The following UMAD1 variants were observed in gnomAD, a reference collection of about 807,000 sequenced individuals.
UMAD1 encodes UBAP1-MVB12-associated (UMA)-domain containing protein 1.
A neutral mutation model predicts 6.1 loss-of-function variants in UMAD1; 8 were observed. The ratio of observed to expected loss-of-function variants is 1.30; its 90% confidence interval spans 0.76 to 2.35. The LOEUF (loss-of-function observed/expected upper bound fraction) is 2.35. Ranked by LOEUF, UMAD1 falls within the 30% of genes most tolerant of loss-of-function variation. The probability of loss-of-function intolerance (pLI) is 0.00; values close to 1 mark genes in which losing one functional copy is unlikely to be tolerated. For missense variants in UMAD1, 130 were observed against 78.4 expected, an observed-to-expected ratio of 1.66 and a Z score of -2.49; for synonymous variants, 56 against 31.4, an observed-to-expected ratio of 1.78 and a Z score of -2.61.
intron 3 of UMAD1, among the ~76,000 whole-genome samples, chr7:7,867,149 A>T (rs1390939508): frequency 1.3e-5 from 2 of 152,182 alleles, no homozygotes; most frequent in Non-Finnish European, 2.9e-5. Flanking sequence ...TAAGGTAAGG[A>T]AGGGACTAAG....
chr7:7,769,334 T>C (rs1318954076), intron 2 of UMAD1, among the ~76,000 whole-genome samples: 1 of 152,078 alleles, frequency 6.6e-6, no homozygotes, highest in Non-Finnish European at 1.5e-5. Flanking sequence ...TTTTTTAAGT[T>C]TTGGAGAACT....
At chr7:7,730,736 C>G (rs1245478174) in intron 2 of UMAD1, among the ~76,000 whole-genome samples, 1 of 152,104 alleles carries the variant, frequency 6.6e-6, no homozygotes, top group Non-Finnish European at 1.5e-5. Context: ...AAAAAAAACC[C>G]TCAAAATCTG....
In UMAD1 at chr7:7,708,504, C is replaced by G. The variant is rs574317836; in HGVS notation, c.82+35051C>G. The stretch of plus-strand genomic sequence containing the variant: ...GGATATAAGGGGATCAGGTCTAACA[C>G]TCTGTTAAGAAATTAATAGGATCTT... On this transcript the variant is annotated intron_variant, in intron 2 of 3. Transcript: ENST00000682710. 4.4e-4 allele frequency among the ~76,000 whole-genome samples: 67 copies of G among 152,290 alleles called. No homozygotes were observed. The South Asian group carries it at 4.8e-3, about 11-fold the overall frequency.
chr7:7,686,724 C>A (rs1780049740), intron 2 of UMAD1, among the ~76,000 whole-genome samples: 1 of 152,166 alleles, frequency 6.6e-6, no homozygotes, highest in African/African-American at 2.4e-5. Context: ...CACTACTAGT[C>A]CCTCAATATC....
At chr7:7,725,768 C>G (rs1332161408) in intron 2 of UMAD1, among the ~76,000 whole-genome samples, 4 of 152,218 alleles carry the variant, frequency 2.6e-5, no homozygotes, top group African/African-American at 7.2e-5. Context: ...GGTCTCCACT[C>G]CTGCCACCCT....
intron 3 of UMAD1, among the ~76,000 whole-genome samples, chr7:7,834,016 CTTTTTTT>C (rs4034895): frequency 4.4e-4 from 49 of 110,484 alleles, no homozygotes; most frequent in Non-Finnish European, 6.5e-4. Flanking sequence ...TTTTTCTTTT[CTTTTTTT>C]TTTTTTTTTT....
chr7:7,663,660 A>G (rs988668737), intron 1 of UMAD1, among the ~76,000 whole-genome samples: 12 of 152,226 alleles, frequency 7.9e-5, no homozygotes, highest in African/African-American at 2.9e-4. Flanking sequence ...AACTAGTGAG[A>G]TACTGCAACT....
intron 3 of UMAD1, among the ~76,000 whole-genome samples, chr7:7,807,534 T>C (rs529504304): frequency 7.9e-5 from 12 of 152,224 alleles, no homozygotes; most frequent in African/African-American, 2.6e-4. Context: ...ATAGCCCAAG[T>C]ATATTTCAAA....
chr7:7,669,705 T>C (rs1779557786), intron 1 of UMAD1, among the ~76,000 whole-genome samples: 1 of 152,148 alleles, frequency 6.6e-6, no homozygotes, highest in Non-Finnish European at 1.5e-5. Flanking sequence ...TGGACTGTAG[T>C]AGGGGAAGGA....
chr7:7,698,973 GC>G (rs1445664110), intron 2 of UMAD1, among the ~76,000 whole-genome samples: 31 of 148,918 alleles, frequency 2.1e-4, no homozygotes, highest in African/African-American at 7.2e-4. Context: ...TCCCACTTCA[GC>G]CCCCCAAGTA....
chr7:7,716,921 C>G (rs534428464), intron 2 of UMAD1, among the ~76,000 whole-genome samples: 1 of 152,146 alleles, frequency 6.6e-6, no homozygotes, highest in African/African-American at 2.4e-5. Context: ...ATCAATCTCT[C>G]GTGCCCTATG....
chr7:7,716,028 AACT>A (rs1447037503), intron 2 of UMAD1, among the ~76,000 whole-genome samples: 1 of 152,234 alleles, frequency 6.6e-6, no homozygotes, highest in African/African-American at 2.4e-5. Flanking sequence ...TTAAATTAGA[AACT>A]AATATATGTC....
chr7:7,741,351 C>T (rs1781460065), intron 2 of UMAD1, among the ~76,000 whole-genome samples: 1 of 151,688 alleles, frequency 6.6e-6, no homozygotes, highest in Admixed American at 6.6e-5. Context: ...GCGGGAGGAT[C>T]ACGAGGTCAG....
chr7:7,843,574 TA>T (rs1241126137), intron 3 of UMAD1, among the ~76,000 whole-genome samples: 1 of 152,138 alleles, frequency 6.6e-6, no homozygotes, highest in African/African-American at 2.4e-5. Flanking sequence ...ATAGTTGTCT[TA>T]TTTATTATTA....
chr7:7,855,135 C>G (rs1461787444), intron 3 of UMAD1, among the ~76,000 whole-genome samples: 7 of 152,378 alleles, frequency 4.6e-5, no homozygotes, highest in Admixed American at 3.9e-4. Flanking sequence ...CAGCTGCTTT[C>G]AAGGCTGGCA....
At chr7:7,863,716 A>C (rs1784170187) in intron 3 of UMAD1, among the ~76,000 whole-genome samples, 1 of 152,222 alleles carries the variant, frequency 6.6e-6, no homozygotes, top group African/African-American at 2.4e-5. Flanking sequence ...AAGAGCCACC[A>C]AACAGAGAAA....
chr7:7,828,006 T>A (rs941693870), intron 3 of UMAD1, among the ~76,000 whole-genome samples: 1 of 152,206 alleles, frequency 6.6e-6, no homozygotes, highest in East Asian at 1.9e-4. Context: ...ATTTTCAAAG[T>A]CTTTTTCTTC....
chr7:7,678,136 G>T (rs1222102563), intron 2 of UMAD1, among the ~76,000 whole-genome samples: 1 of 21,516 alleles, frequency 4.6e-5, no homozygotes, highest in Non-Finnish European at 8.1e-5. Flanking sequence ...TAGTAGTTCT[G>T]TTTTTAGTTT....
chr7:7,723,466 C>A (rs894964759), intron 2 of UMAD1, among the ~76,000 whole-genome samples: 1 of 152,092 alleles, frequency 6.6e-6, no homozygotes, highest in Non-Finnish European at 1.5e-5. Context: ...GCCTAATCTC[C>A]CTTGGTTTAA....
Sources: allele counts gnomAD v4.1 joint callset (sites outside exome capture counted in the v4.1 genomes callset), GRCh38; gene constraint gnomAD v4.1.1; transcripts MANE v1.5; gene names NCBI Gene and HGNC (gene_info 2026-07-23, HGNC 2026-07-21).